Variants in PCDH15 observed in about 807,000 individuals in gnomAD.
PCDH15 encodes protocadherin-15.
A neutral mutation model predicts 178.5 loss-of-function variants in PCDH15; 129 were observed. The ratio of observed to expected loss-of-function variants is 0.72; its 90% confidence interval spans 0.63 to 0.84. The LOEUF (loss-of-function observed/expected upper bound fraction) is 0.84. PCDH15 is among the 40% of genes least tolerant of loss of function. The pLI is 0.00. For missense variants in PCDH15, 2,230 were observed against 2,099.9 expected (o/e 1.06, Z -1.21); for synonymous variants, 800 against 732.0 (o/e 1.09, Z -1.50).
chr10:55,493,033 G>T (rs1312227894), intron 2 of PCDH15, among the ~76,000 whole-genome samples: 1 of 151,614 alleles, frequency 6.6e-6, no homozygotes, highest in African/African-American at 2.4e-5. Flanking sequence ...AGAATAAATA[G>T]AAATAAACAG....
intron 2 of PCDH15, among the ~76,000 whole-genome samples, chr10:55,068,899 T>C (rs1030344583): frequency 2.0e-5 from 3 of 151,960 alleles, no homozygotes; most frequent in Admixed American, 6.6e-5. Context: ...GCTCCTTTTT[T>C]GGTTATTATT....
chr10:54,412,791 G>T (rs184574315), intron 3 of PCDH15, among the ~76,000 whole-genome samples: 4 of 152,022 alleles, frequency 2.6e-5, no homozygotes, highest in African/African-American at 4.8e-5. Flanking sequence ...GCGTGACCCC[G>T]GCTCACTGCA....
intron 1 of PCDH15, among the ~76,000 whole-genome samples, chr10:54,730,400 G>T (rs781541668): frequency 1.7e-4 from 25 of 151,510 alleles, no homozygotes; most frequent in Non-Finnish European, 3.0e-4. Context: ...CCTACCTGAG[G>T]GTAGAGGGTG....
chr10:55,305,369 A>T (rs1308525377), intron 1 of PCDH15, among the ~76,000 whole-genome samples: 1 of 152,248 alleles, frequency 6.6e-6, no homozygotes, highest in East Asian at 1.9e-4. Context: ...ATGTTTCAAT[A>T]TCACAACAAC....
chr10:54,050,688 A>AT (rs2135616681), intron 18 of PCDH15, among the ~76,000 whole-genome samples: 1 of 151,966 alleles, frequency 6.6e-6, no homozygotes, highest in East Asian at 1.9e-4. Flanking sequence ...TTATTTCTAT[A>AT]TTTTTGATGT....
intron 2 of PCDH15, among the ~76,000 whole-genome samples, chr10:54,972,848 C>CAAAAAAAAA (rs750356955): frequency 5.6e-5 from 3 of 53,506 alleles, no homozygotes; most frequent in Admixed American, 2.4e-4. Context: ...GACTCCATCT[C>CAAAAAAAAA]AAAAAAAAAA....
At chr10:54,421,587 C>T (rs1393240630) in intron 3 of PCDH15, among the ~76,000 whole-genome samples, 1 of 143,128 alleles carries the variant, frequency 7.0e-6, no homozygotes, top group African/African-American at 2.5e-5. Context: ...AAACTACATA[C>T]CTGCCTAAAT....
chr10:53,878,358 T>TAC (rs1400982331), intron 26 of PCDH15, among the ~76,000 whole-genome samples: 1 of 139,992 alleles, frequency 7.1e-6, no homozygotes, highest in Non-Finnish European at 1.5e-5. Flanking sequence ...AGACTATATA[T>TAC]ACTCATATAA....
At chr10:54,975,186 G>C (rs938688278) in intron 2 of PCDH15, among the ~76,000 whole-genome samples, 4 of 152,122 alleles carry the variant, frequency 2.6e-5, no homozygotes, top group African/African-American at 9.7e-5. Context: ...TTGATTATTT[G>C]AGAAATGCTT....
intron 2 of PCDH15, among the ~76,000 whole-genome samples, chr10:55,009,216 A>G (rs1839997578): frequency 6.6e-6 from 1 of 151,356 alleles, no homozygotes; most frequent in Non-Finnish European, 1.5e-5. Flanking sequence ...GACAAGAATT[A>G]TTTCCTGAAA....
chr10:54,940,394 CTT>C (rs1187617436), intron 2 of PCDH15, among the ~76,000 whole-genome samples: 2 of 152,026 alleles, frequency 1.3e-5, no homozygotes, highest in Non-Finnish European at 1.5e-5. Context: ...GTCAGAGAAA[CTT>C]TGTGTGATTT....
intron 23 of PCDH15, among the ~76,000 whole-genome samples, chr10:53,957,526 C>G (rs1281943737): frequency 1.6e-5 from 2 of 122,346 alleles, no homozygotes; most frequent in Non-Finnish European, 3.5e-5. Flanking sequence ...TCCTGATAAC[C>G]CAGACAGTTA....
intron 3 of PCDH15, among the ~76,000 whole-genome samples, chr10:54,868,601 G>C (rs144129684): frequency 6.6e-6 from 1 of 152,086 alleles, no homozygotes; most frequent in Admixed American, 6.6e-5. Context: ...CCATCTCTCT[G>C]TTCACCATTC....
chr10:54,291,332 G>A (rs2059389505), intron 8 of PCDH15, among the ~76,000 whole-genome samples: 1 of 152,142 alleles, frequency 6.6e-6, no homozygotes, highest in Non-Finnish European at 1.5e-5. Flanking sequence ...AATGTGTAGA[G>A]GGAAATTTAT....
intron 5 of PCDH15, among the ~76,000 whole-genome samples, chr10:54,360,809 T>C (rs889640042): frequency 1.3e-5 from 2 of 152,072 alleles, no homozygotes; most frequent in Non-Finnish European, 2.9e-5. Context: ...GTTGCTACTC[T>C]TACAAAGTTT....
intron 2 of PCDH15, among the ~76,000 whole-genome samples, chr10:54,911,713 T>A (rs1591778394): frequency 6.6e-6 from 1 of 152,252 alleles, no homozygotes; most frequent in South Asian, 2.1e-4. Flanking sequence ...TCCATGCTGT[T>A]CTCCTGATAG....
chr10:55,301,493 A>G (rs1180269185), intron 1 of PCDH15, among the ~76,000 whole-genome samples: 1 of 151,628 alleles, frequency 6.6e-6, no homozygotes, highest in East Asian at 1.9e-4. Context: ...TATATTCTAG[A>G]TGTTAGCCCC....
intron 16 of PCDH15, among the ~76,000 whole-genome samples, chr10:54,085,072 T>C (rs2094495577): frequency 6.6e-6 from 1 of 152,104 alleles, no homozygotes; most frequent in South Asian, 2.1e-4. Context: ...ACTAAGGTAG[T>C]AGAGTGAAGT....
At chr10:54,258,847 C>T (rs956567363) in intron 8 of PCDH15, among the ~76,000 whole-genome samples, 18 of 152,086 alleles carry the variant, frequency 1.2e-4, no homozygotes, top group African/African-American at 4.3e-4. Flanking sequence ...TGATATAACT[C>T]ACAAGGCAGA....
Sources: allele counts gnomAD v4.1 joint callset (sites outside exome capture counted in the v4.1 genomes callset), GRCh38; gene constraint gnomAD v4.1.1; transcripts MANE v1.5; gene names NCBI Gene and HGNC (gene_info 2026-07-23, HGNC 2026-07-21).